UBAP2L: variants seen among roughly 807,000 people sequenced by gnomAD.
UBAP2L encodes the protein ubiquitin-associated protein 2-like.
Under a neutral mutation model 130.6 loss-of-function variants are expected in UBAP2L, and 12 were observed. The observed-to-expected ratio is 0.09, with a 90% CI of 0.06 to 0.15. UBAP2L has a LOEUF of 0.15. Ranked by LOEUF, UBAP2L falls within the 10% of genes least tolerant of loss-of-function variation. The probability of loss-of-function intolerance (pLI) is 1.00; values close to 1 mark genes in which losing one functional copy is unlikely to be tolerated. For synonymous variants in UBAP2L, 503 were observed against 524.7 expected (o/e 0.96, Z 0.57); for missense variants, 965 against 1,332.5 (o/e 0.72, Z 4.29).
chr1:154,270,080 A>T, intron 26 of UBAP2L, 120 bp from the exon 27 acceptor site: 1 of 1,276,800 alleles, frequency 7.8e-7, no homozygotes, highest in Non-Finnish European at 1.1e-6. Flanking sequence ...TATGGTTCTA[A>T]TAGTAGTGAG....
intron 16 of UBAP2L, 93 bp downstream of exon 16, chr1:154,254,983 G>A (rs1679141145): frequency 1.4e-6 from 2 of 1,468,744 alleles, no homozygotes; most frequent in Admixed American, 4.3e-5. Flanking sequence ...GGACAATTGA[G>A]ACCCATGCTG....
chr1:154,241,427 A>G, intron 8 of UBAP2L, 86 bp from the exon 9 acceptor site: 2 of 1,443,816 alleles, frequency 1.4e-6, no homozygotes, highest in South Asian at 1.2e-5. Context: ...TGGCTGCCAA[A>G]AAAATTAATA....
intron 8 of UBAP2L, among the ~76,000 whole-genome samples, chr1:154,237,592 C>T (rs1322887116): frequency 2.0e-5 from 3 of 152,084 alleles, no homozygotes; most frequent in South Asian, 2.1e-4. Flanking sequence ...ATGAACAAGG[C>T]CTAGAATCAA....
chr1:154,257,026 TTTC>T lies in UBAP2L; in HGVS notation c.2158-29_2158-27del, dbSNP rs754467839. 22 of 1,595,688 alleles carry T rather than the reference TTTC, an allele frequency of 1.4e-5. No homozygotes were observed. In the African/African-American group the frequency reaches 1.5e-4, roughly 11 times the overall value. ...TTCCTGACCTATGATGCTGATCTCT[TTTC>T]TTCTTCTCTCTTCCACTGCTCCCCC... On this transcript the variant is annotated intron_variant, in intron 18 of 26. Transcript: ENST00000428931.
intron 4 of UBAP2L, among the ~76,000 whole-genome samples, chr1:154,231,874 C>T (rs375279374): frequency 1.6e-4 from 24 of 152,206 alleles, no homozygotes; most frequent in African/African-American, 5.1e-4. Flanking sequence ...ACATGCTTCC[C>T]TTAAAGGAGG....
At chr1:154,224,697 C>T (rs1667381376) in intron 1 of UBAP2L, among the ~76,000 whole-genome samples, 1 of 152,182 alleles carries the variant, frequency 6.6e-6, no homozygotes, top group Non-Finnish European at 1.5e-5. Flanking sequence ...GACTAATCTC[C>T]TTCCTGGAAG....
chr1:154,261,159 G>T (rs1284507284), intron 23 of UBAP2L, 50 bp downstream of exon 23: 2 of 1,569,464 alleles, frequency 1.3e-6, no homozygotes, highest in African/African-American at 1.4e-5. Flanking sequence ...CCTAGCCCTG[G>T]ACACTATCCT....
chr1:154,243,983 G>A (rs1375231222), intron 10 of UBAP2L, among the ~76,000 whole-genome samples: 1 of 152,156 alleles, frequency 6.6e-6, no homozygotes, highest in Admixed American at 6.5e-5. Flanking sequence ...GAACTGTTCA[G>A]CAGTTTATTC....
chr1:154,266,308 A>G (rs1355634331), intron 24 of UBAP2L, 193 bp from the exon 25 acceptor site: 7 of 659,344 alleles, frequency 1.1e-5, no homozygotes, highest in Non-Finnish European at 2.8e-6. Flanking sequence ...CGTACCTGGG[A>G]AGGGCCAAAG....
chr1:154,260,092 C>A, intron 22 of UBAP2L, 63 bp downstream of exon 22: 2 of 1,520,464 alleles, frequency 1.3e-6, no homozygotes, highest in South Asian at 2.2e-5. Context: ...ATGGCAGACA[C>A]CTGATTGGTA....
intron 10 of UBAP2L, among the ~76,000 whole-genome samples, chr1:154,245,960 A>G (rs1406848371): frequency 6.6e-6 from 1 of 152,182 alleles, no homozygotes; most frequent in Admixed American, 6.5e-5. Flanking sequence ...TCATTAAATT[A>G]ATAACTTCAC....
intron 20 of UBAP2L, among the ~76,000 whole-genome samples, chr1:154,258,163 G>A (rs903367090): frequency 1.3e-5 from 2 of 152,098 alleles, no homozygotes; most frequent in East Asian, 1.9e-4. Context: ...TAGAGACAGG[G>A]TCTTCCTATG....
intron 25 of UBAP2L, 96 bp from the exon 26 acceptor site, chr1:154,268,661 C>A: frequency 8.1e-7 from 1 of 1,234,676 alleles, no homozygotes; most frequent in Non-Finnish European, 1.2e-6. Context: ...TGACACCATG[C>A]TGCTTTCTGA....
intron 4 of UBAP2L, among the ~76,000 whole-genome samples, chr1:154,230,044 C>G (rs1669310973): frequency 6.6e-6 from 1 of 151,598 alleles, no homozygotes; most frequent in Non-Finnish European, 1.5e-5. Context: ...GAGACGGTGT[C>G]TCTCTCTGTC....
At position 154,270,215 on chromosome 1, in the gene UBAP2L, C is replaced by T; in HGVS notation, c.3184C>T (p.Arg1062Cys). The change falls in exon 27 of 27, where the codon CGT becomes TGT. Residue 1062 changes from arginine to cysteine, a missense_variant. Arg to Cys is a radical substitution (Grantham distance 180, BLOSUM62 -3). Around this residue, in one of 9 missense-constraint regions of UBAP2L, gnomAD observed 194 missense variants for 334.0 expected, o/e 0.58. Transcript: ENST00000428931. ...TCCCCTGCAGACGGGCAGCGGGCAA[C>T]GTAGCCAGACCAGCTCCATCCCGCA... ...QQDGQTGSGQRSQTSSIPQKP... is the reference protein window; with the variant it reads ...QQDGQTGSGQCSQTSSIPQKP... The T allele has an allele frequency of 6.2e-7, 1 of 1,606,636 alleles. No individual in the cohort carries two copies. Among genetic ancestry groups the T allele is most frequent in the African/African-American group, 1.3e-5 (1 of 74,794 alleles).
At chr1:154,236,263 G>A (rs1671636816) in intron 6 of UBAP2L, among the ~76,000 whole-genome samples, 1 of 152,176 alleles carries the variant, frequency 6.6e-6, no homozygotes, top group African/African-American at 2.4e-5. Flanking sequence ...CAGTAGTGCG[G>A]TCTTAGCTCA....
chr1:154,225,030 T>A, intron 1 of UBAP2L, 54 bp from the exon 2 acceptor site: 1 of 1,246,088 alleles, frequency 8.0e-7, no homozygotes, highest in Non-Finnish European at 1.1e-6. Context: ...GATGAGAGAG[T>A]TAAAAACATA....
downstream of UBAP2L, chr1:154,270,878 T>G: frequency 6.5e-7 from 1 of 1,544,844 alleles, no homozygotes; most frequent in Admixed American, 2.0e-5. Context: ...TTGCTCCGTC[T>G]AGGACATCCT....
chr1:154,270,135 G>T, intron 26 of UBAP2L, 65 bp from the exon 27 acceptor site: 1 of 1,511,032 alleles, frequency 6.6e-7, no homozygotes, highest in African/African-American at 1.4e-5. Context: ...ACCTGAAGAT[G>T]TTACAAATTT....
Sources: allele counts gnomAD v4.1 joint callset (sites outside exome capture counted in the v4.1 genomes callset), GRCh38; gene constraint gnomAD v4.1.1; regional missense constraint gnomAD v4.1.1; transcripts MANE v1.5; gene names NCBI Gene and HGNC (gene_info 2026-07-23, HGNC 2026-07-21).